Variants in ADARB2 observed in about 807,000 individuals in gnomAD.
ADARB2 encodes the protein inactive double-stranded RNA-specific editase B2.
Under a neutral mutation model 62.2 loss-of-function variants are expected in ADARB2, and 25 were observed. The observed-to-expected ratio is 0.40, with a 90% confidence interval of 0.29 to 0.56. ADARB2 has a LOEUF of 0.56. Ranked by LOEUF, ADARB2 falls within the 20% of genes least tolerant of loss-of-function variation. The pLI is 0.43. For synonymous variants in ADARB2, 572 were observed against 500.8 expected, an observed-to-expected ratio of 1.14 and a Z score of -1.90; for missense variants, 1,071 against 1,077.4, an observed-to-expected ratio of 0.99 and a Z score of 0.08.
intron 1 of ADARB2, among the ~76,000 whole-genome samples, chr10:1,482,811 C>T (rs1003470071): frequency 3.9e-5 from 6 of 152,018 alleles, no homozygotes; most frequent in Non-Finnish European, 7.4e-5. Flanking sequence ...CAGGACCCTT[C>T]TTCCATCTGT....
intron 4 of ADARB2, among the ~76,000 whole-genome samples, chr10:1,257,602 A>G (rs1021132588): frequency 1.3e-5 from 2 of 152,244 alleles, no homozygotes; most frequent in Non-Finnish European, 2.9e-5. Context: ...CAAAAGTCCA[A>G]CGGAGCAGCA....
chr10:1,655,352 C>G (rs1834160775), intron 1 of ADARB2, among the ~76,000 whole-genome samples: 1 of 152,148 alleles, frequency 6.6e-6, no homozygotes, highest in East Asian at 1.9e-4. Context: ...CCAGACTGGC[C>G]CTAATGCAGA....
At chr10:1,504,468 G>A (rs1194178447) in intron 1 of ADARB2, among the ~76,000 whole-genome samples, 1 of 152,224 alleles carries the variant, frequency 6.6e-6, no homozygotes, top group African/African-American at 2.4e-5. Flanking sequence ...GTGTACGCGG[G>A]CATTATGTAG....
chr10:1,670,161 A>G (rs1013771618), intron 1 of ADARB2, among the ~76,000 whole-genome samples: 18 of 152,234 alleles, frequency 1.2e-4, no homozygotes, highest in African/African-American at 4.1e-4. Flanking sequence ...TTTATAATCC[A>G]GCCAATATCA....
At chr10:1,400,204 C>G (rs1478337745) in intron 1 of ADARB2, among the ~76,000 whole-genome samples, 1 of 152,114 alleles carries the variant, frequency 6.6e-6, no homozygotes, top group Admixed American at 6.5e-5. Flanking sequence ...GCGTCTGTCT[C>G]TCCTGCGTGG....
chr10:1,352,887 T>C (rs1832157227), intron 3 of ADARB2, among the ~76,000 whole-genome samples: 1 of 152,128 alleles, frequency 6.6e-6, no homozygotes, highest in Non-Finnish European at 1.5e-5. Context: ...CATATTTCCT[T>C]CTTCCCTGTT....
chr10:1,372,138 G>T (rs1456156317), intron 2 of ADARB2, among the ~76,000 whole-genome samples: 1 of 152,180 alleles, frequency 6.6e-6, no homozygotes, highest in Non-Finnish European at 1.5e-5. Flanking sequence ...CCATAAAAAA[G>T]GGTAAAATTA....
In ADARB2 at chr10:1,719,509, A is replaced by T. The variant is rs1165270592; in HGVS notation, c.100+17542T>A. On this transcript the variant is annotated intron_variant, in intron 1 of 9. Coordinates refer to ENST00000381312, the MANE Select transcript of ADARB2 (RefSeq NM_018702.4). ...GCATTTTATACAGTGGCCTTTTGAT[A>T]AAAAATTGCTAAAAGAAACAAAACC... 2.0e-5 allele frequency among the ~76,000 whole-genome samples: 3 copies of T among 152,234 alleles called. No homozygotes were observed. The East Asian group carries it at 5.8e-4, about 29-fold the overall frequency.
intron 1 of ADARB2, among the ~76,000 whole-genome samples, chr10:1,433,932 T>C (rs1258223140): frequency 2.6e-5 from 4 of 152,250 alleles, no homozygotes; most frequent in African/African-American, 9.6e-5. Context: ...ACCATTATGC[T>C]GTTGACTGTA....
intron 6 of ADARB2, among the ~76,000 whole-genome samples, chr10:1,233,467 T>C (rs536642856): frequency 9.5e-4 from 144 of 152,268 alleles, no homozygotes; most frequent in African/African-American, 3.4e-3. Flanking sequence ...GGCAATTAGG[T>C]AGCTAATTTT....
chr10:1,216,813 C>T, intron 7 of ADARB2, 138 bp downstream of exon 7: 1 of 1,169,128 alleles, frequency 8.6e-7, no homozygotes, highest in African/African-American at 1.5e-5. Context: ...CTGTGGAGTT[C>T]CACGGCTCAG....
rs145687096 is a variant in ADARB2 at position 1,371,696 on chromosome 10, T to A, written c.187+7378A>T. ...ATATAAGCAGCCAACAAACATATGA[T>A]AAAATGCTCAACGTCACAGGGGAAA... On this transcript the variant is annotated intron_variant, in intron 2 of 9. Transcript: ENST00000381312. 3.9e-3 allele frequency among the ~76,000 whole-genome samples: 579 copies of A among 146,750 alleles called. 6 individuals are homozygous for A. The highest frequency in any genetic ancestry group is 0.014 in the African/African-American group (546 of 39,204).
At chr10:1,235,027 G>A (rs1474377792) in intron 5 of ADARB2, among the ~76,000 whole-genome samples, 1 of 152,096 alleles carries the variant, frequency 6.6e-6, no homozygotes, top group African/African-American at 2.4e-5. Context: ...GATTACAGGC[G>A]AGAGCCACCA....
intron 1 of ADARB2, among the ~76,000 whole-genome samples, chr10:1,450,339 C>T (rs1831021088): frequency 6.6e-6 from 1 of 152,224 alleles, no homozygotes; most frequent in South Asian, 2.1e-4. Context: ...ACTTCGTTTC[C>T]TGCTGCTGGA....
At chr10:1,402,541 A>T (rs1447383386) in intron 1 of ADARB2, among the ~76,000 whole-genome samples, 7 of 152,142 alleles carry the variant, frequency 4.6e-5, no homozygotes, top group African/African-American at 1.7e-4. Context: ...TGAATTCTCA[A>T]ATATGTGAAT....
chr10:1,326,854 C>T (rs529117873), intron 3 of ADARB2, among the ~76,000 whole-genome samples: 11 of 50,934 alleles, frequency 2.2e-4, no homozygotes, highest in African/African-American at 4.2e-4. Flanking sequence ...CAGCGCCTCC[C>T]CACTGCCCAG....
At chr10:1,221,467 G>A (rs1589156143) in intron 6 of ADARB2, among the ~76,000 whole-genome samples, 1 of 151,182 alleles carries the variant, frequency 6.6e-6, no homozygotes, top group African/African-American at 2.4e-5. Flanking sequence ...TGCACAACGT[G>A]CAGGTTTGTT....
At chr10:1,551,171 T>C (rs1373361790) in intron 1 of ADARB2, among the ~76,000 whole-genome samples, 1 of 152,020 alleles carries the variant, frequency 6.6e-6, no homozygotes, top group Non-Finnish European at 1.5e-5. Flanking sequence ...GAGGACCCTG[T>C]GAGGACACAG....
At chr10:1,476,689 C>G (rs1029776700) in intron 1 of ADARB2, among the ~76,000 whole-genome samples, 1 of 152,184 alleles carries the variant, frequency 6.6e-6, no homozygotes, top group Non-Finnish European at 1.5e-5. Context: ...GAAAGGCCAT[C>G]GGCCTCACGA....
Sources: allele counts gnomAD v4.1 joint callset (sites outside exome capture counted in the v4.1 genomes callset), GRCh38; gene constraint gnomAD v4.1.1; transcripts MANE v1.5; gene names NCBI Gene and HGNC (gene_info 2026-07-23, HGNC 2026-07-21).